The following NTM variants were observed in gnomAD, a reference collection of about 807,000 sequenced individuals.
NTM encodes the protein IgLON family member 2.
Under a neutral mutation model 42.1 loss-of-function variants are expected in NTM, and 13 were observed. The ratio of observed to expected loss-of-function variants is 0.31; its 90% CI spans 0.20 to 0.49. The LOEUF (loss-of-function observed/expected upper bound fraction) is 0.49, where lower values mean the gene tolerates loss of function less well. Ranked by LOEUF, NTM falls within the 20% of genes least tolerant of loss-of-function variation. The pLI, the probability that NTM is intolerant of heterozygous loss-of-function variation, is 0.99. For missense variants in NTM, 373 were observed against 452.8 expected, an observed-to-expected ratio of 0.82 and a Z score of 1.60; for synonymous variants, 187 against 179.2, an observed-to-expected ratio of 1.04 and a Z score of -0.35.
chr11:131,885,352 C>T (rs1054917178), intron 1 of NTM, among the ~76,000 whole-genome samples: 2 of 152,220 alleles, frequency 1.3e-5, no homozygotes, highest in African/African-American at 4.8e-5. Context: ...TGGAGCCCTT[C>T]CCTCAAGCCT....
chr11:131,745,360 T>C (rs1250880733), intron 1 of NTM, among the ~76,000 whole-genome samples: 1 of 152,184 alleles, frequency 6.6e-6, no homozygotes, highest in Non-Finnish European at 1.5e-5. Flanking sequence ...TGGGGAGGGT[T>C]ATCAAAACCT....
chr11:131,659,558 T>G (rs192479912), intron 1 of NTM, among the ~76,000 whole-genome samples: 1 of 152,328 alleles, frequency 6.6e-6, no homozygotes, highest in Non-Finnish European at 1.5e-5. Context: ...ACATTCATAA[T>G]GAGAGAAAAA....
At chr11:131,705,468 A>G (rs1260199635) in intron 1 of NTM, among the ~76,000 whole-genome samples, 1 of 152,174 alleles carries the variant, frequency 6.6e-6, no homozygotes, top group East Asian at 1.9e-4. Context: ...CTTTCAAGAA[A>G]TGCTCAAATA....
At chr11:132,232,770 A>C (rs2087891249) in intron 4 of NTM, among the ~76,000 whole-genome samples, 1 of 152,272 alleles carries the variant, frequency 6.6e-6, no homozygotes, top group South Asian at 2.1e-4. Flanking sequence ...CAGTGCCAAG[A>C]AAATAAAAAA....
chr11:131,649,972 C>T (rs959192673), intron 1 of NTM, among the ~76,000 whole-genome samples: 2 of 152,172 alleles, frequency 1.3e-5, no homozygotes, highest in African/African-American at 2.4e-5. Context: ...TGAGCAGACA[C>T]GCTTCTTTCC....
At chr11:132,056,693 C>T (rs2079730616) in intron 2 of NTM, among the ~76,000 whole-genome samples, 1 of 152,170 alleles carries the variant, frequency 6.6e-6, no homozygotes, top group Non-Finnish European at 1.5e-5. Flanking sequence ...CTTCTCAACC[C>T]ACCTTGCCTG....
chr11:131,764,084 A>G (rs2084717206), intron 1 of NTM, among the ~76,000 whole-genome samples: 1 of 152,170 alleles, frequency 6.6e-6, no homozygotes, highest in African/African-American at 2.4e-5. Context: ...GTATCAGAGT[A>G]ATAATAAAAC....
At chr11:131,859,874 TTTTCTC>T (rs1763113187) in intron 1 of NTM, among the ~76,000 whole-genome samples, 1 of 152,152 alleles carries the variant, frequency 6.6e-6, no homozygotes, top group Non-Finnish European at 1.5e-5. Flanking sequence ...TTTTTTCTCC[TTTTCTC>T]TTTCTGAGAC....
At chr11:131,942,488 G>GC (rs1266176713) in intron 2 of NTM, among the ~76,000 whole-genome samples, 1 of 152,168 alleles carries the variant, frequency 6.6e-6, no homozygotes. Context: ...AAGCAAGGGG[G>GC]CTGGGAAAGG....
chr11:131,966,083 G>A (rs894203276), intron 2 of NTM, among the ~76,000 whole-genome samples: 2 of 152,138 alleles, frequency 1.3e-5, no homozygotes, highest in African/African-American at 2.4e-5. Flanking sequence ...ACTCGAGGGT[G>A]AGTTAATAGC....
At chr11:131,441,265 T>A (rs747824082) in intron 1 of NTM, among the ~76,000 whole-genome samples, 2 of 152,198 alleles carry the variant, frequency 1.3e-5, no homozygotes, top group Non-Finnish European at 2.9e-5. Context: ...ATTATCCTAA[T>A]CATGCAAAGC....
At chr11:131,793,938 G>C (rs2091259240) in intron 1 of NTM, among the ~76,000 whole-genome samples, 2 of 152,240 alleles carry the variant, frequency 1.3e-5, no homozygotes, top group South Asian at 4.1e-4. Context: ...AGAACGACTA[G>C]AGTGCTGGAG....
intron 4 of NTM, among the ~76,000 whole-genome samples, chr11:132,277,601 G>C (rs531492187): frequency 2.0e-5 from 3 of 152,236 alleles, no homozygotes; most frequent in Non-Finnish European, 4.4e-5. Context: ...AAACCAATCA[G>C]TATAAGGGAT....
intron 1 of NTM, among the ~76,000 whole-genome samples, chr11:131,576,004 C>G (rs1180266887): frequency 6.6e-6 from 1 of 152,160 alleles, no homozygotes; most frequent in Non-Finnish European, 1.5e-5. Context: ...TGTTATCTTC[C>G]TTCGTGCTCA....
Position 131,401,812 on chromosome 11 carries a change from A to ATATATATATATATATATGTGTG in NTM, c.82+30941_82+30942insGTGTGTATATATATATATATAT, listed in dbSNP as rs1565465190. On this transcript the variant is annotated intron_variant, in intron 1 of 8. Coordinates refer to ENST00000683400, the MANE Select transcript of NTM (RefSeq NM_001352005.2). ...CAGGCCACTGGAAATATATATATAT[A>ATATATATATATATATATGTGTG]TATATATATATATATATATATATAT... Among the ~76,000 whole-genome samples, 2 of 21,630 alleles carry ATATATATATATATATATGTGTG rather than the reference A, an allele frequency of 9.2e-5. 1 individual carries two copies. The highest frequency in any genetic ancestry group is 5.5e-4 in the African/African-American group (2 of 3,636). 14.2% of individuals were successfully genotyped at this position (21,630 alleles called of 152,430 possible). A position where few individuals can be genotyped will look rare whatever the true frequency, so the allele number is the denominator to read the frequency against.
intron 1 of NTM, among the ~76,000 whole-genome samples, chr11:131,442,565 C>G (rs1417036344): frequency 6.6e-6 from 1 of 152,090 alleles, no homozygotes; most frequent in Non-Finnish European, 1.5e-5. Flanking sequence ...AACCCTCATC[C>G]CTTTCCCATC....
chr11:131,488,091 A>T (rs530263704), intron 1 of NTM, among the ~76,000 whole-genome samples: 2 of 152,264 alleles, frequency 1.3e-5, no homozygotes, highest in Admixed American at 1.3e-4. Context: ...CAGACTCTAT[A>T]CCTACAGGGG....
intron 2 of NTM, among the ~76,000 whole-genome samples, chr11:131,981,970 C>T (rs2065308140): frequency 6.6e-6 from 1 of 152,016 alleles, no homozygotes. Context: ...CAAGATTGCA[C>T]CACTGCACTC....
chr11:131,905,918 C>G (rs1463930959), intron 1 of NTM, among the ~76,000 whole-genome samples: 1 of 152,106 alleles, frequency 6.6e-6, no homozygotes, highest in African/African-American at 2.4e-5. Flanking sequence ...TGAGACAAAT[C>G]ACTTCCCACA....
Sources: allele counts gnomAD v4.1 joint callset (sites outside exome capture counted in the v4.1 genomes callset), GRCh38; gene constraint gnomAD v4.1.1; transcripts MANE v1.5; gene names NCBI Gene and HGNC (gene_info 2026-07-23, HGNC 2026-07-21).